The following ASH1L variants were observed in gnomAD, a reference collection of about 807,000 sequenced individuals.
ASH1L encodes the protein ASH1 like histone lysine methyltransferase, also known as histone-lysine N-methyltransferase ASH1L.
In ASH1L, 23 loss-of-function variants were observed where a neutral mutation model predicts 269.0. The observed-to-expected ratio is 0.09, with a 90% CI of 0.06 to 0.12. ASH1L has a LOEUF of 0.12. ASH1L is among the 10% of genes least tolerant of loss of function. The pLI is 1.00. For missense variants in ASH1L, 2,912 were observed against 3,567.8 expected, an observed-to-expected ratio of 0.82 and a Z score of 4.68; for synonymous variants, 1,187 against 1,253.5, an observed-to-expected ratio of 0.95 and a Z score of 1.12.
At chr1:155,346,509 G>A in intron 20 of ASH1L, 40 bp from the exon 21 acceptor site, 1 of 1,559,698 alleles carries the variant, frequency 6.4e-7, no homozygotes, top group Non-Finnish European at 8.8e-7. Context: ...TGGAGGCTAT[G>A]ACTTATTGAG....
intron 2 of ASH1L, among the ~76,000 whole-genome samples, chr1:155,489,871 C>G (rs6692952): frequency 0.049 from 7,430 of 151,914 alleles, 621 homozygotes; most frequent in African/African-American, 0.17. Flanking sequence ...ATTTTTCTTT[C>G]CATACTTGTT....
intron 6 of ASH1L, among the ~76,000 whole-genome samples, chr1:155,399,607 C>A (rs964290780): frequency 6.6e-6 from 1 of 151,970 alleles, no homozygotes; most frequent in African/African-American, 2.4e-5. Context: ...CCACCGCACT[C>A]CAGTCTGGGT....
chr1:155,378,576 A>T lies in ASH1L; in HGVS notation c.6178-28T>A, dbSNP rs1178346461. ...AGAAGAAAAGAAGAAAAATCTTGAT[A>T]TAGCATTTAACTTCAAATGCCAGAC... On this transcript the variant is annotated intron_variant, in intron 8 of 27. Coordinates refer to ENST00000392403, the MANE Select transcript of ASH1L (RefSeq NM_018489.3). 3 of 1,578,688 alleles carry T rather than the reference A, an allele frequency of 1.9e-6. No individual in the cohort carries two copies. The Admixed American group carries it at 5.2e-5, about 28-fold the overall frequency.
intron 27 of ASH1L, 42 bp downstream of exon 27, chr1:155,338,047 G>T (rs376256583): frequency 7.7e-6 from 12 of 1,566,596 alleles, no homozygotes; most frequent in Non-Finnish European, 8.7e-6. Flanking sequence ...CTCTCATTTC[G>T]CATTTATCTT....
At chr1:155,559,893 G>C (rs1364408620) in intron 1 of ASH1L, among the ~76,000 whole-genome samples, 1 of 152,078 alleles carries the variant, frequency 6.6e-6, no homozygotes, top group Non-Finnish European at 1.5e-5. Context: ...ACTGAAAAAA[G>C]ACAAACCCAC....
rs897066186 is a variant in ASH1L at position 155,481,965 on chromosome 1, T to C, written c.905A>G (p.Lys302Arg). The change falls in exon 3 of 28, where the codon AAG becomes AGG. Residue 302 changes from lysine to arginine, a missense_variant. This residue lies in a region of ASH1L where 277 missense variants were observed against 367.7 expected (regional missense o/e 0.75). Transcript: ENST00000392403. ...AGTTCCCAGTTTTTTCACAGAGTCC[T>C]TATTGACCAATCCTACTGCTGCATT... Reference protein sequence around the residue: ...VFNAAVGLVNKDSVKKLGTGT... With the variant: ...VFNAAVGLVNRDSVKKLGTGT... 32 of 1,614,070 alleles carry C rather than the reference T, an allele frequency of 2.0e-5. No individual in the cohort carries two copies. Among genetic ancestry groups the C allele is most frequent in the Middle Eastern group, 1.6e-4 (1 of 6,084 alleles).
rs1342454317 is a variant in ASH1L at position 155,562,563 on chromosome 1, C to A, written c.-510G>T. The A allele has an allele frequency of 6.5e-6, 10 of 1,529,396 alleles. No homozygotes were observed. Among genetic ancestry groups the A allele is most frequent in the Middle Eastern group, 1.7e-4 (1 of 5,978 alleles). The allele number at this position is 1,529,396 out of a possible 1,614,324, so 94.7% of individuals were successfully genotyped here. A position where few individuals can be genotyped will look rare whatever the true frequency, so the allele number is the denominator to read the frequency against. On this transcript the variant is annotated 5_prime_UTR_variant, in exon 1 of 28. Coordinates refer to ENST00000392403, the MANE Select transcript of ASH1L (RefSeq NM_018489.3). ...CCTTGCGTTCTTTCCCACCGTCCCCCGCTCCGCCCGACTCCGTCCGCGTAG... is the reference window on the plus strand; with the variant it reads ...CCTTGCGTTCTTTCCCACCGTCCCCAGCTCCGCCCGACTCCGTCCGCGTAG...
chr1:155,461,353 A>G (rs963536092), intron 3 of ASH1L, among the ~76,000 whole-genome samples: 3 of 151,424 alleles, frequency 2.0e-5, no homozygotes, highest in Admixed American at 1.3e-4. Flanking sequence ...GAGATGTAAG[A>G]CTATATGCTG....
intron 6 of ASH1L, among the ~76,000 whole-genome samples, chr1:155,409,128 G>A (rs1302624071): frequency 6.6e-6 from 1 of 151,916 alleles, no homozygotes; most frequent in Non-Finnish European, 1.5e-5. Context: ...GGGTTCAAGC[G>A]ATTCTCCTGC....
intron 2 of ASH1L, among the ~76,000 whole-genome samples, chr1:155,496,290 A>C (rs942421672): frequency 2.0e-5 from 3 of 152,200 alleles, no homozygotes; most frequent in Non-Finnish European, 4.4e-5. Context: ...GGTGACAGGA[A>C]TTTTTCAGCT....
At chr1:155,344,664 A>G (rs1653084254) in intron 21 of ASH1L, 1 of 162,092 alleles carries the variant, frequency 6.2e-6, no homozygotes, top group Non-Finnish European at 1.3e-5. Flanking sequence ...CCTAAACATG[A>G]CAACAGCAAC....
chr1:155,373,825 GC>G, intron 10 of ASH1L, among the ~76,000 whole-genome samples: 1 of 152,108 alleles, frequency 6.6e-6, no homozygotes, highest in African/African-American at 2.4e-5. Flanking sequence ...ACGCCACCAT[GC>G]CCAGTTGATG....
At chr1:155,483,359 A>G (rs1213582425) in intron 2 of ASH1L, among the ~76,000 whole-genome samples, 1 of 152,228 alleles carries the variant, frequency 6.6e-6, no homozygotes. Context: ...GTGATGTTCA[A>G]TGGGGAAAAT....
intron 4 of ASH1L, among the ~76,000 whole-genome samples, chr1:155,458,717 AAACCAACC>A (rs373281175): frequency 2.3e-4 from 34 of 150,760 alleles, no homozygotes; most frequent in African/African-American, 5.6e-4. Context: ...ACTCATCTCA[AAACCAACC>A]AACCAACCAA....
At chr1:155,371,694 CTT>C (rs1269263101) in intron 10 of ASH1L, among the ~76,000 whole-genome samples, 10 of 137,394 alleles carry the variant, frequency 7.3e-5, no homozygotes, top group Admixed American at 1.5e-4. Flanking sequence ...ACCTAATTTA[CTT>C]TTTTTTTTTT....
At chr1:155,441,395 T>A (rs189538424) in intron 4 of ASH1L, among the ~76,000 whole-genome samples, 39 of 142,936 alleles carry the variant, frequency 2.7e-4, no homozygotes, top group Non-Finnish European at 5.0e-4. Context: ...GGCCAACAGA[T>A]CCTGCTGAGG....
At chr1:155,505,373 G>A (rs1285311307) in intron 2 of ASH1L, among the ~76,000 whole-genome samples, 2 of 151,988 alleles carry the variant, frequency 1.3e-5, no homozygotes, top group African/African-American at 2.4e-5. Flanking sequence ...TATACACTCC[G>A]TATGTATTTC....
Position 155,459,705 on chromosome 1 carries a change from C to T in ASH1L, c.5086+92G>A, listed in dbSNP as rs148527468. The T allele has an allele frequency of 2.0e-4, 193 of 948,670 alleles. No individual in the cohort carries two copies. The African/African-American group carries it at 2.7e-3, about 14-fold the overall frequency. The allele number at this position is 948,670 out of a possible 1,614,324, so 58.8% of individuals were successfully genotyped here. ...ATAAAATACCATATATGATACAGTC[C>T]CCATTATTTTTTCTACAATATTGTA... On this transcript the variant is annotated intron_variant, in intron 4 of 27. Coordinates refer to ENST00000392403, the MANE Select transcript of ASH1L (RefSeq NM_018489.3).
intron 1 of ASH1L, among the ~76,000 whole-genome samples, chr1:155,539,482 A>T (rs941184107): frequency 6.6e-6 from 1 of 151,642 alleles, no homozygotes; most frequent in Non-Finnish European, 1.5e-5. Context: ...TTTGAGAAAA[A>T]ATCTTGCTCT....
Sources: allele counts gnomAD v4.1 joint callset (sites outside exome capture counted in the v4.1 genomes callset), GRCh38; gene constraint gnomAD v4.1.1; regional missense constraint gnomAD v4.1.1; transcripts MANE v1.5; gene names NCBI Gene and HGNC (gene_info 2026-07-23, HGNC 2026-07-21).